The following FOXK2 variants were observed in gnomAD, a reference collection of about 807,000 sequenced individuals.
FOXK2 encodes the protein forkhead box protein K2.
FOXK2 carries 24 observed loss-of-function variants against 53.3 expected under a neutral mutation model. That is an observed-to-expected ratio of 0.45 (90% CI 0.33 to 0.63). The LOEUF (loss-of-function observed/expected upper bound fraction) is 0.63. FOXK2 is among the 30% of genes least tolerant of loss of function. The pLI, the probability that FOXK2 is intolerant of heterozygous loss-of-function variation, is 0.03. For synonymous variants in FOXK2, 505 were observed against 407.1 expected (o/e 1.24, Z -2.89); for missense variants, 952 against 910.5 (o/e 1.05, Z -0.59).
intron 8 of FOXK2, chr17:82,600,441 A>C (rs1362149354): frequency 6.6e-6 from 1 of 152,290 alleles, no homozygotes; most frequent in African/African-American, 2.4e-5. Flanking sequence ...AGAGGACCTC[A>C]GTCTTTTCTT....
chr17:82,598,597 C>T (rs2045343900), intron 8 of FOXK2, among the ~76,000 whole-genome samples: 1 of 152,208 alleles, frequency 6.6e-6, no homozygotes, highest in Non-Finnish European at 1.5e-5. Flanking sequence ...GGGGTGAAGG[C>T]ATATTCACCC....
intron 1 of FOXK2, among the ~76,000 whole-genome samples, chr17:82,521,940 A>AAG (rs963165257): frequency 6.6e-5 from 10 of 151,812 alleles, no homozygotes; most frequent in African/African-American, 2.4e-4. Flanking sequence ...CGCCTCAAAA[A>AAG]AAAAAAAGAA....
At chr17:82,559,229 C>T (rs556503425) in intron 1 of FOXK2, 3 of 395,466 alleles carry the variant, frequency 7.6e-6, no homozygotes, top group Non-Finnish European at 1.6e-5. Context: ...TCCTGAGTGT[C>T]TGTATGTGGA....
chr17:82,556,131 G>A (rs1171779482), intron 1 of FOXK2, among the ~76,000 whole-genome samples: 2 of 152,078 alleles, frequency 1.3e-5, no homozygotes, highest in South Asian at 2.1e-4. Flanking sequence ...TCTCACTGAC[G>A]CAGTCAGAAT....
At chr17:82,538,953 G>A (rs534253163) in intron 1 of FOXK2, among the ~76,000 whole-genome samples, 1 of 152,286 alleles carries the variant, frequency 6.6e-6, no homozygotes, top group Admixed American at 6.5e-5. Flanking sequence ...TTCCTCTCCT[G>A]GTTTATCTTC....
rs1377884946 is a variant in FOXK2, at chr17:82,603,023, C to T, written c.*1524C>T. ...GCAATTTTAAAACATTTATTATTTA[C>T]ATAAAGACCAAATATGATGAATCTG... On this transcript the variant is annotated 3_prime_UTR_variant, in exon 9 of 9. Transcript: ENST00000335255. The T allele has an allele frequency of 6.6e-6, 1 of 152,570 alleles. No individual in the cohort carries two copies. Among genetic ancestry groups the T allele is most frequent in the African/African-American group, 2.4e-5 (1 of 41,414 alleles). The allele number at this position is 152,570 out of a possible 1,614,324, so 9.5% of individuals were successfully genotyped here.
intron 1 of FOXK2, among the ~76,000 whole-genome samples, chr17:82,522,527 C>T (rs1038151079): frequency 6.6e-6 from 1 of 151,900 alleles, no homozygotes; most frequent in African/African-American, 2.4e-5. Flanking sequence ...CGCCACTACG[C>T]CCAGCTAATT....
intron 1 of FOXK2, among the ~76,000 whole-genome samples, chr17:82,544,848 A>G (rs2044608338): frequency 6.6e-6 from 1 of 151,990 alleles, no homozygotes; most frequent in Admixed American, 6.6e-5. Flanking sequence ...CTGTGTCTGC[A>G]GTGCTACTGT....
At chr17:82,553,817 T>C (rs1037899533) in intron 1 of FOXK2, among the ~76,000 whole-genome samples, 1 of 151,998 alleles carries the variant, frequency 6.6e-6, no homozygotes, top group South Asian at 2.1e-4. Context: ...GGATGGGCTG[T>C]GGGGCTGCTT....
At position 82,587,112 on chromosome 17, in the gene FOXK2, C is replaced by T. The variant is rs137949572; in HGVS notation, c.1626C>T (p.Ala542=). The T allele has an allele frequency of 1.2e-6, 2 of 1,613,066 alleles. No homozygotes were observed. The highest frequency in any genetic ancestry group is 2.2e-5 in the East Asian group (1 of 44,890). Residue 542 remains alanine (A), a synonymous_variant, in exon 8 of 9, where the codon GCC becomes GCT. Coordinates refer to ENST00000335255, the MANE Select transcript of FOXK2 (RefSeq NM_004514.4). Reference sequence around the variant, plus strand: ...TTGGCCACGCCACGCTCGGCACTGCCAGCCGGATCATTCAGACGGCACAGA... The same window carrying T: ...TTGGCCACGCCACGCTCGGCACTGCTAGCCGGATCATTCAGACGGCACAGA... The part of the protein sequence containing the change: ...PAIGHATLGT[A]SRIIQTAQTT...
chr17:82,585,865 AGTATCT>A, intron 6 of FOXK2, 33 bp from the exon 7 acceptor site: 1 of 1,579,652 alleles, frequency 6.3e-7, no homozygotes, highest in Non-Finnish European at 8.6e-7. Context: ...TGTAGAAGTC[AGTATCT>A]GTAAGTGTCA....
rs1205840064 is a variant in FOXK2, at chr17:82,587,315, G to A, written c.1786+43G>A. On this transcript the variant is annotated intron_variant, in intron 8 of 8. Coordinates refer to ENST00000335255, the MANE Select transcript of FOXK2 (RefSeq NM_004514.4). ...GTGGCTCCCCGTGGCTGTGGGTACT[G>A]GGAGCAGAGCCCCTTCTCACTCGTG... 3.4e-6 allele frequency: 5 copies of A among 1,465,790 alleles called. No homozygotes were observed. In the East Asian group the frequency reaches 9.2e-5, roughly 27 times the overall value. 90.8% of individuals were successfully genotyped at this position (1,465,790 alleles called of 1,614,324 possible). A position where few individuals can be genotyped will look rare whatever the true frequency, so the allele number is the denominator to read the frequency against.
chr17:82,563,905 C>T (rs2044825673), intron 2 of FOXK2, among the ~76,000 whole-genome samples: 1 of 150,176 alleles, frequency 6.7e-6, no homozygotes, highest in African/African-American at 2.5e-5. Context: ...GCGCCCACCA[C>T]CACGCCCACC....
intron 1 of FOXK2, among the ~76,000 whole-genome samples, chr17:82,527,087 G>A (rs755814951): frequency 1.2e-4 from 19 of 152,272 alleles, no homozygotes; most frequent in Middle Eastern, 3.4e-3. Context: ...GAGTGGAGCT[G>A]AGCCTGGGAC....
chr17:82,557,062 T>C (rs1245734750), intron 1 of FOXK2, among the ~76,000 whole-genome samples: 1 of 150,352 alleles, frequency 6.7e-6, no homozygotes, highest in African/African-American at 2.5e-5. Flanking sequence ...ACAGAGTTGC[T>C]CTTGTTGCCC....
chr17:82,599,723 G>A (rs1035082810), intron 8 of FOXK2: 3 of 152,300 alleles, frequency 2.0e-5, no homozygotes, highest in African/African-American at 4.8e-5. Flanking sequence ...CATCCGCTCC[G>A]CTAGGGAAGA....
intron 1 of FOXK2, among the ~76,000 whole-genome samples, chr17:82,548,227 G>A (rs549124601): frequency 6.6e-6 from 1 of 152,330 alleles, no homozygotes; most frequent in African/African-American, 2.4e-5. Context: ...CAGAGCAGTT[G>A]CACCAGTTTG....
At chr17:82,528,903 G>C (rs968946857) in intron 1 of FOXK2, among the ~76,000 whole-genome samples, 1 of 152,228 alleles carries the variant, frequency 6.6e-6, no homozygotes, top group African/African-American at 2.4e-5. Flanking sequence ...ACCGGGGTGA[G>C]TCTGCCTCCT....
chr17:82,586,665 G>T (rs1425840367), intron 7 of FOXK2, among the ~76,000 whole-genome samples: 1 of 152,042 alleles, frequency 6.6e-6, no homozygotes, highest in African/African-American at 2.4e-5. Flanking sequence ...ACTATGGGGG[G>T]CTGAGACGGT....
Sources: allele counts gnomAD v4.1 joint callset (sites outside exome capture counted in the v4.1 genomes callset), GRCh38; gene constraint gnomAD v4.1.1; transcripts MANE v1.5; gene names NCBI Gene and HGNC (gene_info 2026-07-23, HGNC 2026-07-21).